The following BCOR variants were observed in gnomAD, a reference collection of about 807,000 sequenced individuals.
BCOR encodes BCL-6 corepressor.
A neutral mutation model predicts 86.7 loss-of-function variants in BCOR; 10 were observed. That is an observed-to-expected ratio of 0.12 (90% confidence interval 0.07 to 0.20). The LOEUF (loss-of-function observed/expected upper bound fraction) is 0.20, where lower values mean the gene tolerates loss of function less well. Ranked by LOEUF, BCOR falls within the 10% of genes least tolerant of loss-of-function variation. The probability of loss-of-function intolerance (pLI) is 1.00; values close to 1 mark genes in which losing one functional copy is unlikely to be tolerated. For missense variants in BCOR, 1,259 were observed against 1,452.1 expected (o/e 0.87, Z 2.16); for synonymous variants, 611 against 609.0 (o/e 1.00, Z -0.05).
intron 10 of BCOR, among the ~76,000 whole-genome samples, chrX:40,060,770 C>T (rs1797813067): frequency 8.8e-6 from 1 of 113,004 alleles, no homozygotes. Context: ...TCAAATCCTT[C>T]TAGAGAGTTC....
At chrX:40,064,021 C>T (rs1935046396) in intron 7 of BCOR, 69 bp from the exon 8 acceptor site, 4 of 479,873 alleles carry the variant, frequency 8.3e-6, no homozygotes, top group Non-Finnish European at 1.3e-5. Context: ...TTACGCATCA[C>T]TAATGGGGTG....
intron 1 of BCOR, among the ~76,000 whole-genome samples, chrX:40,135,690 C>G (rs758447960): frequency 9.0e-6 from 1 of 111,639 alleles, no homozygotes; most frequent in Non-Finnish European, 1.9e-5. Flanking sequence ...GCGCCCGGCC[C>G]TTCATGGCCT....
chrX:40,119,022 A>G (rs1937440707), intron 1 of BCOR, among the ~76,000 whole-genome samples: 2 of 110,820 alleles, frequency 1.8e-5, no homozygotes, highest in Admixed American at 1.9e-4. Context: ...TAGTAGAGAC[A>G]GGGTTTTGCC....
At chrX:40,106,460 G>A (rs1231024896) in intron 1 of BCOR, among the ~76,000 whole-genome samples, 1 of 111,528 alleles carries the variant, frequency 9.0e-6, no homozygotes, top group Non-Finnish European at 1.9e-5. Context: ...TACGGAGGCA[G>A]GCGGGAGCCG....
chrX:40,170,955 C>T (rs751467301), intron 1 of BCOR, among the ~76,000 whole-genome samples: 1 of 111,894 alleles, frequency 8.9e-6, no homozygotes, highest in East Asian at 2.8e-4. Context: ...GCCGCATTTA[C>T]AAAGTGCCTT....
intron 1 of BCOR, among the ~76,000 whole-genome samples, chrX:40,131,848 A>T (rs1937605942): frequency 9.0e-6 from 1 of 111,562 alleles, no homozygotes; most frequent in Admixed American, 9.6e-5. Context: ...CTGAATCCTC[A>T]TAACAACCCC....
intron 1 of BCOR, among the ~76,000 whole-genome samples, chrX:40,146,912 G>A (rs1938070052): frequency 8.9e-6 from 1 of 112,338 alleles, no homozygotes; most frequent in Admixed American, 9.3e-5. Flanking sequence ...CGCGCCCCTA[G>A]CCCCTGGCGG....
intron 1 of BCOR, among the ~76,000 whole-genome samples, chrX:40,153,547 T>C (rs2147992806): frequency 8.9e-6 from 1 of 111,843 alleles, no homozygotes; most frequent in East Asian, 2.8e-4. Context: ...GCACCCAGAC[T>C]CTGCCCCACC....
At chrX:40,173,456 C>T (rs1029896482) in intron 1 of BCOR, among the ~76,000 whole-genome samples, 16 of 111,981 alleles carry the variant, frequency 1.4e-4, no homozygotes, top group Non-Finnish European at 2.4e-4. Flanking sequence ...GTAGGGAGTA[C>T]AAAGTTCCGG....
At chrX:40,108,224 TGAG>T (rs1779363756) in intron 1 of BCOR, among the ~76,000 whole-genome samples, 1 of 111,815 alleles carries the variant, frequency 8.9e-6, no homozygotes, top group Admixed American at 9.5e-5. Flanking sequence ...CCCGGCTTCC[TGAG>T]GGTTTGCCCC....
At chrX:40,156,061 T>C (rs1368654124) in intron 1 of BCOR, among the ~76,000 whole-genome samples, 1 of 113,482 alleles carries the variant, frequency 8.8e-6, no homozygotes, top group Non-Finnish European at 1.9e-5. Flanking sequence ...GGTCACACCC[T>C]GCAAAGCCAT....
At chrX:40,084,093 C>G (rs996952043) in intron 1 of BCOR, among the ~76,000 whole-genome samples, 1 of 112,074 alleles carries the variant, frequency 8.9e-6, no homozygotes, top group African/African-American at 3.2e-5. Flanking sequence ...TGGACGCTTC[C>G]CCTTACAAAG....
intron 10 of BCOR, among the ~76,000 whole-genome samples, chrX:40,057,703 T>A (rs762150694): frequency 1.8e-5 from 2 of 112,435 alleles, no homozygotes; most frequent in Non-Finnish European, 3.8e-5. Context: ...TGCTAATGTT[T>A]CAAACAACGC....
upstream of BCOR, among the ~76,000 whole-genome samples, chrX:40,101,128 T>C (rs1014160213): frequency 9.1e-6 from 1 of 109,804 alleles, no homozygotes; most frequent in African/African-American, 3.3e-5. Context: ...GTTCCAATTG[T>C]TCTGGGGAAA....
At chrX:40,054,489 TTATG>T (rs1438024037) in intron 12 of BCOR, among the ~76,000 whole-genome samples, 156 bp from the exon 13 acceptor site, 1 of 110,901 alleles carries the variant, frequency 9.0e-6, no homozygotes, top group African/African-American at 3.3e-5. Context: ...AGCATTACAC[TTATG>T]TATCTCTTTT....
intron 1 of BCOR, among the ~76,000 whole-genome samples, chrX:40,143,092 T>C (rs1937957825): frequency 8.9e-6 from 1 of 112,375 alleles, no homozygotes; most frequent in South Asian, 3.7e-4. Context: ...TCTCAGCTAA[T>C]GATCGCCTTA....
At chrX:40,091,099 G>A (rs1000385308) in intron 1 of BCOR, among the ~76,000 whole-genome samples, 2 of 111,987 alleles carry the variant, frequency 1.8e-5, no homozygotes, top group South Asian at 7.4e-4. Context: ...TCTGCCCCTG[G>A]CACCCTGACC....
intron 1 of BCOR, among the ~76,000 whole-genome samples, chrX:40,146,908 C>G (rs2147978125): frequency 8.9e-6 from 1 of 112,635 alleles, no homozygotes; most frequent in East Asian, 2.8e-4. Flanking sequence ...TCTTCGCGCC[C>G]CTAGCCCCTG....
chrX:40,103,672 A>G (rs936512023), intron 1 of BCOR, among the ~76,000 whole-genome samples: 1 of 111,708 alleles, frequency 9.0e-6, no homozygotes, highest in Non-Finnish European at 1.9e-5. Context: ...GGGAGCCCAC[A>G]TTTTTGAATC....
Sources: gnomAD v4.1 joint callset for allele counts (sites outside exome capture counted in the v4.1 genomes callset) on GRCh38, gnomAD v4.1.1 for gene constraint, MANE v1.5 for transcripts, NCBI Gene and HGNC (gene_info 2026-07-23, HGNC 2026-07-21) for gene names.